GAB2: variants seen among roughly 807,000 people sequenced by gnomAD.
The protein encoded by GAB2 is GRB2-associated-binding protein 2.
GAB2 carries 26 observed loss-of-function variants against 65.5 expected under a neutral mutation model. That is an observed-to-expected ratio of 0.40 (90% CI 0.29 to 0.55). The LOEUF is 0.55. Among genes scored for constraint, GAB2 ranks in the 20% least tolerant of loss-of-function variants. The pLI is 0.53. For missense variants in GAB2, 884 were observed against 875.8 expected (o/e 1.01, Z -0.12); for synonymous variants, 321 against 329.6 (o/e 0.97, Z 0.28).
intron 2 of GAB2, 92 bp downstream of exon 2, chr11:78,280,509 G>C: frequency 9.5e-7 from 1 of 1,049,846 alleles, no homozygotes. Context: ...CTTCCAACAG[G>C]AAACCTTAGC....
rs577210720 is a variant in GAB2 at position 78,278,569 on chromosome 11, G to A, written c.376+2032C>T. 2.2e-5 allele frequency among the ~76,000 whole-genome samples: 3 copies of A among 136,750 alleles called. No individual in the cohort carries two copies. The South Asian group carries it at 7.2e-4, about 33-fold the overall frequency. 89.7% of individuals were successfully genotyped at this position (136,750 alleles called of 152,430 possible). ...ATTTTTGTATTTTTAGTAGAGACGG[G>A]TTTTCACCATTATTGGTCAGGATGG... is the stretch of plus-strand genomic sequence containing the variant. On this transcript the variant is annotated intron_variant, in intron 2 of 9. Transcript: ENST00000361507.
rs778067511 is a variant in GAB2 at position 78,280,855 on chromosome 11, C to T, written c.122G>A (p.Gly41Asp). ...GTAGTATTCCAGAACATCTGGGTCA[C>T]CGCTCATCCGGCCACTCCGCAGGAT... ...WFILRSGRMS[G>D]DPDVLEYYKN... Residue 41 changes from glycine to aspartate, a missense_variant, in exon 2 of 10, where the codon GGT (glycine) becomes GAT (aspartate). Coordinates refer to ENST00000361507, the MANE Select transcript of GAB2 (RefSeq NM_080491.3). 7.4e-6 allele frequency: 12 copies of T among 1,614,046 alleles called. No homozygotes were observed. Among genetic ancestry groups the T allele is most frequent in the African/African-American group, 1.3e-5 (1 of 74,946 alleles).
chr11:78,351,711 A>T (rs1314202162), intron 1 of GAB2, among the ~76,000 whole-genome samples: 1 of 152,216 alleles, frequency 6.6e-6, no homozygotes, highest in Non-Finnish European at 1.5e-5. Context: ...GAAGACAAGC[A>T]GGGAGCTAGG....
intron 1 of GAB2, among the ~76,000 whole-genome samples, chr11:78,411,754 C>T (rs1238613113): frequency 2.6e-5 from 4 of 151,826 alleles, no homozygotes; most frequent in African/African-American, 4.8e-5. Flanking sequence ...CCAGGAAAGC[C>T]GGCGCAGTGG....
In GAB2 at chr11:78,316,045, CCT is replaced by C. The variant is rs1855596851; in HGVS notation, c.76-35146_76-35145del. ...CTTCCTTCTCCCCACTCCCCCTCCC[CCT>C]GCCATATTGGATGCTTCCTCCCGCT... On this transcript the variant is annotated intron_variant, in intron 1 of 9. Transcript: ENST00000361507. 2.0e-5 allele frequency among the ~76,000 whole-genome samples: 3 copies of C among 152,186 alleles called. No individual in the cohort carries two copies. The South Asian group carries it at 6.2e-4, about 32-fold the overall frequency.
intron 1 of GAB2, among the ~76,000 whole-genome samples, chr11:78,292,493 G>A (rs982428709): frequency 6.6e-6 from 1 of 152,214 alleles, no homozygotes; most frequent in Non-Finnish European, 1.5e-5. Flanking sequence ...CAACTCTCAG[G>A]TGGTGATGTG....
chr11:78,348,516 A>G (rs1425417058), intron 1 of GAB2, among the ~76,000 whole-genome samples: 3 of 152,230 alleles, frequency 2.0e-5, no homozygotes, highest in Non-Finnish European at 4.4e-5. Flanking sequence ...CAGGGAAACA[A>G]ATGAAAACCA....
intron 1 of GAB2, among the ~76,000 whole-genome samples, chr11:78,325,926 T>A (rs899792128): frequency 2.0e-5 from 3 of 152,216 alleles, no homozygotes; most frequent in Non-Finnish European, 2.9e-5. Context: ...AACATTGTAT[T>A]TTTTAACAAT....
chr11:78,396,951 A>C (rs1158338048), intron 1 of GAB2, among the ~76,000 whole-genome samples: 1 of 152,208 alleles, frequency 6.6e-6, no homozygotes, highest in Non-Finnish European at 1.5e-5. Context: ...AAACAGCCTC[A>C]CCTTCATTTT....
intron 3 of GAB2, among the ~76,000 whole-genome samples, chr11:78,246,631 T>A (rs909381024): frequency 2.0e-5 from 3 of 152,078 alleles, no homozygotes; most frequent in African/African-American, 7.2e-5. Context: ...CCTGAGTAGC[T>A]GGGATTACAG....
rs184955909 is a variant in GAB2, at chr11:78,235,297, C to T, written c.621-8246G>A. 3.9e-4 allele frequency among the ~76,000 whole-genome samples: 59 copies of T among 151,938 alleles called. No homozygotes were observed. The East Asian group carries it at 0.011, about 29-fold the overall frequency. ...TCTCCCGAGTAGCTGGGACTAAAGG[C>T]GCCCGTCACCATGCCGGGCTAATTT... is the stretch of plus-strand genomic sequence containing the variant. On this transcript the variant is annotated intron_variant, in intron 3 of 9. Coordinates refer to ENST00000361507, the MANE Select transcript of GAB2 (RefSeq NM_080491.3).
At chr11:78,391,220 G>A (rs7111986) in intron 1 of GAB2, among the ~76,000 whole-genome samples, 1,950 of 152,114 alleles carry the variant, frequency 0.013, 36 homozygotes, top group African/African-American at 0.044. Context: ...GCTTGAGCCC[G>A]GGAGGTTGAG....
intron 4 of GAB2, among the ~76,000 whole-genome samples, chr11:78,226,205 C>T (rs1210706746): frequency 6.6e-6 from 1 of 152,194 alleles, no homozygotes; most frequent in Non-Finnish European, 1.5e-5. Flanking sequence ...TGTGGTTAAT[C>T]AAGAATGTCC....
At chr11:78,312,292 C>CACA (rs922676699) in intron 1 of GAB2, among the ~76,000 whole-genome samples, 1 of 151,922 alleles carries the variant, frequency 6.6e-6, no homozygotes, top group African/African-American at 2.4e-5. Flanking sequence ...TCTTTACCAC[C>CACA]ACCACCACCA....
rs114920579 is a variant in GAB2 at position 78,415,385 on chromosome 11, A to C, written c.75+2261T>G. Among the ~76,000 whole-genome samples, 894 of 152,320 alleles carry C rather than the reference A, an allele frequency of 5.9e-3. 10 individuals carry two copies. The highest frequency in any genetic ancestry group is 0.02 in the African/African-American group (830 of 41,566). On this transcript the variant is annotated intron_variant, in intron 1 of 9. Transcript: ENST00000361507. ...GGAAATACTTTCCAAGCTTGGTTCT[A>C]ATGAACTCGGGCCTCTACTGAAATA...
intron 1 of GAB2, among the ~76,000 whole-genome samples, chr11:78,363,490 A>AG (rs1856459852): frequency 6.6e-6 from 1 of 152,222 alleles, no homozygotes; most frequent in South Asian, 2.1e-4. Flanking sequence ...ATTACATACC[A>AG]GGTACTGTGT....
At chr11:78,369,230 C>G (rs1856537428) in intron 1 of GAB2, among the ~76,000 whole-genome samples, 1 of 151,502 alleles carries the variant, frequency 6.6e-6, no homozygotes, top group Admixed American at 6.6e-5. Context: ...TTGTATTAAT[C>G]AATGGCAATC....
chr11:78,220,185 T>A (rs1277951373), intron 9 of GAB2, 134 bp downstream of exon 9: 1 of 843,512 alleles, frequency 1.2e-6, no homozygotes, highest in Non-Finnish European at 1.9e-6. Context: ...TAAAGATGCA[T>A]CATAAAAGCT....
chr11:78,330,936 G>A (rs549966806), intron 1 of GAB2, among the ~76,000 whole-genome samples: 2 of 152,224 alleles, frequency 1.3e-5, no homozygotes, highest in East Asian at 1.9e-4. Context: ...CACTTTGGGA[G>A]GCTGAGGTGG....
Sources: allele counts gnomAD v4.1 joint callset (sites outside exome capture counted in the v4.1 genomes callset), GRCh38; gene constraint gnomAD v4.1.1; transcripts MANE v1.5; gene names NCBI Gene and HGNC (gene_info 2026-07-23, HGNC 2026-07-21).